Variants in RGS12 observed in about 807,000 individuals in gnomAD.
The protein encoded by RGS12 is regulator of G protein signaling 12.
Under a neutral mutation model 120.1 loss-of-function variants are expected in RGS12, and 66 were observed. The observed-to-expected ratio is 0.55, with a 90% CI of 0.45 to 0.67. The LOEUF (loss-of-function observed/expected upper bound fraction) is 0.67. Ranked by LOEUF, RGS12 falls within the 30% of genes least tolerant of loss-of-function variation. The probability of loss-of-function intolerance (pLI) is 0.00; values close to 1 mark genes in which losing one functional copy is unlikely to be tolerated. For synonymous variants in RGS12, 827 were observed against 804.7 expected, an observed-to-expected ratio of 1.03 and a Z score of -0.47; for missense variants, 1,859 against 1,957.7, an observed-to-expected ratio of 0.95 and a Z score of 0.95.
At chr4:3,367,921 C>T (rs773935015) in intron 3 of RGS12, among the ~76,000 whole-genome samples, 9 of 152,218 alleles carry the variant, frequency 5.9e-5, no homozygotes, top group Non-Finnish European at 1.2e-4. Flanking sequence ...GTGGGCTTTG[C>T]GAATAAACCA....
chr4:3,356,998 A>T (rs1714959018), intron 3 of RGS12, among the ~76,000 whole-genome samples: 1 of 152,176 alleles, frequency 6.6e-6, no homozygotes, highest in Admixed American at 6.5e-5. Context: ...GCACCACTGG[A>T]TATTCCTAAT....
chr4:3,430,677 C>T lies in RGS12; in HGVS notation c.3836C>T (p.Ser1279Phe), dbSNP rs1444619196. ...DSPSTSPGSA[S>F]SPPGPPGTTP... ...CCGTCCACCAGCCCGGGCTCAGCCT[C>T]CAGCCCCCCTGGACCTCCTGGGACG... Residue 1279 changes from serine to phenylalanine, a missense_variant, in exon 17 of 18, where the codon TCC becomes TTC. Transcript: ENST00000336727. The T allele has an allele frequency of 1.3e-6, 2 of 1,584,098 alleles. No individual in the cohort carries two copies. Among genetic ancestry groups the T allele is most frequent in the Admixed American group, 1.8e-5 (1 of 56,826 alleles).
Position 3,316,427 on chromosome 4 carries a change from A to G in RGS12, c.257A>G (p.Lys86Arg). The change falls in exon 2 of 18, where the codon AAG (lysine) becomes AGG (arginine). Residue 86 changes from lysine (K) to arginine (R), a missense_variant. Lys to Arg is a conservative substitution (Grantham distance 26). Around this residue, in one of 3 missense-constraint regions of RGS12, gnomAD observed 967 missense variants for 994.2 expected, o/e 0.97. Coordinates refer to ENST00000336727, the MANE Select transcript of RGS12 (RefSeq NM_001394154.1). ...SHEDVVKLIG[K>R]CSGVLHMVIA... ...GAAGATGTAGTGAAATTAATTGGGAAGTGCTCTGGTGTCCTTCACATGGTG... is the reference window on the plus strand; with the variant it reads ...GAAGATGTAGTGAAATTAATTGGGAGGTGCTCTGGTGTCCTTCACATGGTG... The G allele has an allele frequency of 6.2e-7, 1 of 1,614,174 alleles. No individual in the cohort carries two copies. Among genetic ancestry groups the G allele is most frequent in the Non-Finnish European group, 8.5e-7 (1 of 1,180,052 alleles).
intron 2 of RGS12, among the ~76,000 whole-genome samples, chr4:3,330,023 G>C (rs1419012743): frequency 6.6e-6 from 1 of 152,222 alleles, no homozygotes; most frequent in Non-Finnish European, 1.5e-5. Flanking sequence ...GAGAGAAGCT[G>C]TCTGCCAAGT....
At chr4:3,314,814 A>G (rs1279054027) in intron 1 of RGS12, 1 of 152,208 alleles carries the variant, frequency 6.6e-6, no homozygotes, top group African/African-American at 2.4e-5. Flanking sequence ...GTCTTGCAGA[A>G]GAGACTACAC....
rs1310720578 is a variant in RGS12, at chr4:3,316,248, C to T, written c.78C>T (p.Ala26=). 6.2e-7 allele frequency: 1 copy of T among 1,613,050 alleles called. No individual in the cohort carries two copies. The highest frequency in any genetic ancestry group is 8.5e-7 in the Non-Finnish European group (1 of 1,179,418). ...CAAGGGTGCGGAGTGTGGAGGTTGC[C>T]CGGGGGAGGGCCGGCTACGGATTCA... ...SPPRVRSVEV[A]RGRAGYGFTL... The change falls in exon 2 of 18, where the codon GCC becomes GCT. Residue 26 remains alanine (A), a synonymous_variant. Transcript: ENST00000336727.
At chr4:3,407,717 T>TGACTTG (rs1473723984) in intron 4 of RGS12, 2 of 152,248 alleles carry the variant, frequency 1.3e-5, no homozygotes, top group African/African-American at 4.8e-5. Context: ...ACGTGTTTCG[T>TGACTTG]GATCTGACTT....
At chr4:3,342,557 A>G (rs1292403153) in intron 2 of RGS12, 13 of 1,298,264 alleles carry the variant, frequency 1.0e-5, no homozygotes, top group Non-Finnish European at 1.1e-5. Flanking sequence ...TAATCATCAT[A>G]CTAGTCATCT....
At chr4:3,425,319 C>T in intron 13 of RGS12, 145 bp from the exon 14 acceptor site, 1 of 725,828 alleles carries the variant, frequency 1.4e-6, no homozygotes, top group East Asian at 2.5e-5. Context: ...GCTTGTGTGC[C>T]TCAGTCAGGC....
At chr4:3,431,043 G>C (rs1327963704) in intron 17 of RGS12, 88 bp downstream of exon 17, 1 of 1,513,338 alleles carries the variant, frequency 6.6e-7, no homozygotes, top group African/African-American at 1.4e-5. Context: ...GCCCCCGGCT[G>C]CCACTGTTTG....
In RGS12 at chr4:3,317,700, GC is replaced by G; in HGVS notation, c.1535del (p.Pro512GlnfsTer4). 6.2e-7 allele frequency: 1 copy of G among 1,612,510 alleles called. No individual in the cohort carries two copies. The highest frequency in any genetic ancestry group is 8.5e-7 in the Non-Finnish European group (1 of 1,179,326). On this transcript the variant is annotated frameshift_variant, in exon 2 of 18. Transcript: ENST00000336727. LOFTEE classifies it high-confidence loss of function. Reference protein sequence around the residue: ...HLGPASPVEVPPASLRSSVPP... With the variant: ...HLGPASPVEVXPASLRSSVPP... ...TAGGGCCAGCCTCTCCTGTGGAGGT[GC>G]CCCCAGCTTCCTTGAGGAGCTCAGT...
chr4:3,338,358 C>A (rs1202896879), intron 2 of RGS12, among the ~76,000 whole-genome samples: 3 of 152,256 alleles, frequency 2.0e-5, no homozygotes, highest in Non-Finnish European at 4.4e-5. Flanking sequence ...CTGTGCCCAG[C>A]AATTCATTGT....
the RGS12 span, among the ~76,000 whole-genome samples, chr4:3,286,777 C>T: frequency 6.6e-6 from 1 of 152,242 alleles, no homozygotes; most frequent in Non-Finnish European, 1.5e-5. Context: ...TCAGTTTCTG[C>T]ATCTGTAAAC....
chr4:3,425,572 T>A lies in RGS12; in HGVS notation c.3331+12T>A, dbSNP rs547375509. 6.5e-7 allele frequency: 1 copy of A among 1,550,352 alleles called. No individual in the cohort carries two copies. The highest frequency in any genetic ancestry group is 8.7e-7 in the Non-Finnish European group (1 of 1,146,146). ...TTCCAGAGGAAAGGGTGAGTAGGGCTGGTGCAGCGGATGGGGAGAGGGTGA... is the reference window on the plus strand; with the variant it reads ...TTCCAGAGGAAAGGGTGAGTAGGGCAGGTGCAGCGGATGGGGAGAGGGTGA... On this transcript the variant is annotated intron_variant, in intron 14 of 17. Coordinates refer to ENST00000336727, the MANE Select transcript of RGS12 (RefSeq NM_001394154.1).
chr4:3,393,984 T>G (rs1040749544), intron 4 of RGS12, among the ~76,000 whole-genome samples: 5 of 152,026 alleles, frequency 3.3e-5, no homozygotes, highest in Middle Eastern at 3.2e-3. Context: ...TGGCTGGAAT[T>G]TGGGGAGGAA....
rs116256752 is a variant in RGS12 at position 3,366,711 on chromosome 4, G to T, written c.1999-19705G>T. Among the ~76,000 whole-genome samples the T allele has an allele frequency of 3.5e-4, 53 of 152,340 alleles. No homozygotes were observed. Among genetic ancestry groups the T allele is most frequent in the Non-Finnish European group, 7.1e-4 (48 of 68,022 alleles). On this transcript the variant is annotated intron_variant, in intron 3 of 17. Coordinates refer to ENST00000336727, the MANE Select transcript of RGS12 (RefSeq NM_001394154.1). This position sits in a 1 kb window ranked among gnomAD's most constrained non-coding sequence, Gnocchi z 4.0. ...CGGAAAGCTCAGGAGGCCCTGGTTA[G>T]GCTGGGGCATCACGGGATGTGTCCT...
chr4:3,305,701 A>G (rs2110366953), intron 1 of RGS12, among the ~76,000 whole-genome samples: 1 of 141,802 alleles, frequency 7.1e-6, no homozygotes, highest in East Asian at 2.2e-4. Context: ...AGAGGCAGGA[A>G]GGAGCCTCAG....
rs189199347 is a variant in RGS12, at chr4:3,366,664, C to G, written c.1999-19752C>G. ...GAGAGTGCTTCTGTTCCCTCCAGGTCGAGCTGTGCGCCAGGCATGGCCGGA... is the reference window on the plus strand; with the variant it reads ...GAGAGTGCTTCTGTTCCCTCCAGGTGGAGCTGTGCGCCAGGCATGGCCGGA... On this transcript the variant is annotated intron_variant, in intron 3 of 17. Transcript: ENST00000336727. This position sits in a 1 kb window ranked among gnomAD's most constrained non-coding sequence, Gnocchi z 4.0. Among the ~76,000 whole-genome samples the G allele has an allele frequency of 6.6e-6, 1 of 152,164 alleles. No homozygotes were observed. Among genetic ancestry groups the G allele is most frequent in the Non-Finnish European group, 1.5e-5 (1 of 68,022 alleles).
At chr4:3,329,303 T>G (rs1711565072) in intron 2 of RGS12, among the ~76,000 whole-genome samples, 1 of 152,076 alleles carries the variant, frequency 6.6e-6, no homozygotes, top group Non-Finnish European at 1.5e-5. Flanking sequence ...TTTGGTGTGT[T>G]TAGAACTTGG....
Sources: gnomAD v4.1 joint callset for allele counts (sites outside exome capture counted in the v4.1 genomes callset) on GRCh38, gnomAD v4.1.1 for gene constraint, gnomAD v4.1.1 regional missense constraint, Gnocchi (gnomAD v3.1) non-coding constraint, MANE v1.5 for transcripts, NCBI Gene and HGNC (gene_info 2026-07-23, HGNC 2026-07-21) for gene names.